The following SAAL1 variants were observed in gnomAD, a reference collection of about 807,000 sequenced individuals.
SAAL1 encodes the protein protein SAAL1.
A neutral mutation model predicts 59.8 loss-of-function variants in SAAL1; 42 were observed. That is an observed-to-expected ratio of 0.70 (90% CI 0.55 to 0.91). The LOEUF (loss-of-function observed/expected upper bound fraction) is 0.91. Among genes scored for constraint, SAAL1 ranks in the 40% least tolerant of loss-of-function variants. The pLI, the probability that SAAL1 is intolerant of heterozygous loss-of-function variation, is 0.00. For missense variants in SAAL1, 542 were observed against 561.1 expected (o/e 0.97, Z 0.34); for synonymous variants, 191 against 194.3 (o/e 0.98, Z 0.14).
chr11:18,091,962 T>A (rs1848527949), intron 4 of SAAL1, among the ~76,000 whole-genome samples: 1 of 152,182 alleles, frequency 6.6e-6, no homozygotes, highest in Admixed American at 6.6e-5. Context: ...CTGCCCCATC[T>A]CCAAGTTTTG....
chr11:18,099,009 G>A (rs1848604821), intron 2 of SAAL1, among the ~76,000 whole-genome samples: 1 of 152,214 alleles, frequency 6.6e-6, no homozygotes, highest in Admixed American at 6.5e-5. Flanking sequence ...TAAGCAAACT[G>A]AAGTTTAAAA....
rs1007425122 is a variant in SAAL1 at position 18,105,763 on chromosome 11, G to A, written c.135+144C>T. The A allele has an allele frequency of 9.4e-6, 10 of 1,065,796 alleles. No individual in the cohort carries two copies. The East Asian group carries it at 2.6e-4, about 28-fold the overall frequency. 66.0% of individuals were successfully genotyped at this position (1,065,796 alleles called of 1,614,324 possible). A position where few individuals can be genotyped will look rare whatever the true frequency, so the allele number is the denominator to read the frequency against. On this transcript the variant is annotated intron_variant, in intron 1 of 11. Coordinates refer to ENST00000524803, the MANE Select transcript of SAAL1 (RefSeq NM_138421.3). ...TGGGGTCCGCAGCGGCCGGCGAAAC[G>A]CAAGGAGCAAGGTCCCGCAGCGCAC...
chr11:18,105,478 C>T (rs1185913864), intron 1 of SAAL1, among the ~76,000 whole-genome samples: 1 of 151,898 alleles, frequency 6.6e-6, no homozygotes, highest in Non-Finnish European at 1.5e-5. Context: ...TGGTCAGAAG[C>T]CACGTTTTTA....
chr11:18,102,796 T>C (rs1271134420), intron 2 of SAAL1, among the ~76,000 whole-genome samples: 6 of 152,216 alleles, frequency 3.9e-5, no homozygotes, highest in Non-Finnish European at 8.8e-5. Flanking sequence ...TTTTGAGCTA[T>C]AGAATAAAAT....
intron 2 of SAAL1, among the ~76,000 whole-genome samples, chr11:18,097,386 T>C (rs1324177344): frequency 6.6e-6 from 1 of 152,026 alleles, no homozygotes; most frequent in African/African-American, 2.4e-5. Flanking sequence ...CATAAACAAA[T>C]CTAAACTACC....
chr11:18,083,143 C>T (rs151103796), intron 10 of SAAL1: 115 of 153,126 alleles, frequency 7.5e-4, no homozygotes, highest in Non-Finnish European at 1.4e-3. Context: ...AAGAAGTTTG[C>T]AGTAAATTTT....
chr11:18,084,680 C>T (rs1182232864), intron 9 of SAAL1, among the ~76,000 whole-genome samples: 2 of 152,158 alleles, frequency 1.3e-5, no homozygotes, highest in African/African-American at 2.4e-5. Flanking sequence ...AAATGAAGAT[C>T]TTAAAAATAT....
chr11:18,101,084 T>C (rs1474095352), intron 2 of SAAL1, among the ~76,000 whole-genome samples: 5 of 152,328 alleles, frequency 3.3e-5, no homozygotes, highest in East Asian at 3.9e-4. Flanking sequence ...TACATACTTA[T>C]TAGCATGGCT....
At chr11:18,085,760 T>A (rs1387688169) in intron 9 of SAAL1, among the ~76,000 whole-genome samples, 1 of 152,210 alleles carries the variant, frequency 6.6e-6, no homozygotes, top group Admixed American at 6.5e-5. Context: ...AGGGGAATTT[T>A]AAAAATAATG....
At chr11:18,101,237 T>TAAGC (rs1848629999) in intron 2 of SAAL1, among the ~76,000 whole-genome samples, 1 of 151,836 alleles carries the variant, frequency 6.6e-6, no homozygotes, top group South Asian at 2.1e-4. Context: ...CTTAAAAAGT[T>TAAGC]AAGCATACAC....
chr11:18,098,999 T>C (rs1848604778), intron 2 of SAAL1, among the ~76,000 whole-genome samples: 1 of 152,242 alleles, frequency 6.6e-6, no homozygotes, highest in African/African-American at 2.4e-5. Context: ...ATTACACTCA[T>C]AAGCAAACTG....
rs1285963827 is a variant in SAAL1 at position 18,090,509 on chromosome 11, A to C, written c.414-16T>G. Reference sequence around the variant, plus strand: ...TAACACCTGCCTACAAAAACAAAGAAGTTAACCGATATGCCTCACTTCTCG... The same window carrying C: ...TAACACCTGCCTACAAAAACAAAGACGTTAACCGATATGCCTCACTTCTCG... On this transcript the variant is annotated splice_polypyrimidine_tract_variant and intron_variant, in intron 4 of 11. Coordinates refer to ENST00000524803, the MANE Select transcript of SAAL1 (RefSeq NM_138421.3). The C allele has an allele frequency of 6.3e-7, 1 of 1,599,594 alleles. No individual in the cohort carries two copies. The highest frequency in any genetic ancestry group is 8.5e-7 in the Non-Finnish European group (1 of 1,176,292).
At chr11:18,092,422 G>T in intron 3 of SAAL1, 98 bp from the exon 4 acceptor site, 1 of 777,420 alleles carries the variant, frequency 1.3e-6, no homozygotes, top group South Asian at 1.5e-5. Context: ...CCAAGTTTTG[G>T]GGCAAGGCGG....
Position 18,103,349 on chromosome 11 carries a change from T to G in SAAL1, c.136-3A>C. On this transcript the variant is annotated splice_polypyrimidine_tract_variant and splice_region_variant and intron_variant, in intron 1 of 11. Coordinates refer to ENST00000524803, the MANE Select transcript of SAAL1 (RefSeq NM_138421.3). ...TTGGTGTTTTCAGGGCTAACAATCT[T>G]CAGAAACACAAAGAAAGAAAACATG... 1.9e-6 allele frequency: 3 copies of G among 1,603,188 alleles called. No homozygotes were observed. The highest frequency in any genetic ancestry group is 2.6e-6 in the Non-Finnish European group (3 of 1,170,622).
At chr11:18,095,165 G>A (rs980613709) in intron 3 of SAAL1, among the ~76,000 whole-genome samples, 11 of 152,198 alleles carry the variant, frequency 7.2e-5, no homozygotes, top group Non-Finnish European at 1.5e-4. Context: ...TGTCCCAGGT[G>A]ATTCTAACAT....
chr11:18,092,114 A>G lies in SAAL1; in HGVS notation c.413+131T>C, dbSNP rs540310278. The G allele has an allele frequency of 3.5e-4, 194 of 559,648 alleles. 3 individuals are homozygous for G. The South Asian group carries it at 5.4e-3, about 16-fold the overall frequency. The allele number at this position is 559,648 out of a possible 1,614,324, so 34.7% of individuals were successfully genotyped here. On this transcript the variant is annotated intron_variant, in intron 4 of 11. Transcript: ENST00000524803. ...CCTAGCTATCATCAACACACAATGAAGTTCCCACAGAGTGTTCATCAAGAC... is the reference window on the plus strand; with the variant it reads ...CCTAGCTATCATCAACACACAATGAGGTTCCCACAGAGTGTTCATCAAGAC...
At position 18,080,313 on chromosome 11, in the gene SAAL1, A is replaced by G; in HGVS notation, c.*86T>C. The G allele has an allele frequency of 1.2e-6, 1 of 835,062 alleles. No individual in the cohort carries two copies. Among genetic ancestry groups the G allele is most frequent in the Non-Finnish European group, 1.9e-6 (1 of 519,686 alleles). The allele number at this position is 835,062 out of a possible 1,614,324, so 51.7% of individuals were successfully genotyped here. A position where few individuals can be genotyped will look rare whatever the true frequency, so the allele number is the denominator to read the frequency against. On this transcript the variant is annotated 3_prime_UTR_variant, in exon 12 of 12. Transcript: ENST00000524803. Reference sequence around the variant, plus strand: ...ACAATTATGGTCTAATATGGGCTTTAGTTAATATTTCCAATAAGTCAATTT... The same window carrying G: ...ACAATTATGGTCTAATATGGGCTTTGGTTAATATTTCCAATAAGTCAATTT...
In SAAL1 at chr11:18,080,504, C is replaced by T; in HGVS notation, c.1333-13G>A. On this transcript the variant is annotated splice_polypyrimidine_tract_variant and intron_variant, in intron 11 of 11. Coordinates refer to ENST00000524803, the MANE Select transcript of SAAL1 (RefSeq NM_138421.3). The stretch of plus-strand genomic sequence containing the variant: ...TAAAATCTTCCACCTGTGAGTCAAA[C>T]AAACAAACAAAAATCAAACACAGAA... The T allele has an allele frequency of 2.6e-6, 4 of 1,546,220 alleles. No homozygotes were observed. Among genetic ancestry groups the T allele is most frequent in the Non-Finnish European group, 3.5e-6 (4 of 1,143,050 alleles).
intron 9 of SAAL1, among the ~76,000 whole-genome samples, chr11:18,085,270 A>C (rs1848451560): frequency 1.3e-5 from 2 of 152,226 alleles, no homozygotes; most frequent in South Asian, 4.1e-4. Flanking sequence ...GCACTATCAG[A>C]TAAAGCCCAA....
Sources: gnomAD v4.1 joint callset for allele counts (sites outside exome capture counted in the v4.1 genomes callset) on GRCh38, gnomAD v4.1.1 for gene constraint, MANE v1.5 for transcripts, NCBI Gene and HGNC (gene_info 2026-07-23, HGNC 2026-07-21) for gene names.